CCS: variants seen among roughly 807,000 people sequenced by gnomAD.
The protein encoded by CCS is superoxide dismutase copper chaperone.
CCS carries 32 observed loss-of-function variants against 35.5 expected under a neutral mutation model. The observed-to-expected ratio is 0.90, with a 90% CI of 0.68 to 1.21. The LOEUF is 1.21. CCS is among the 50% of genes most tolerant of loss of function. The pLI, the probability that CCS is intolerant of heterozygous loss-of-function variation, is 0.00. For synonymous variants in CCS, 130 were observed against 147.2 expected, an observed-to-expected ratio of 0.88 and a Z score of 0.84; for missense variants, 342 against 375.4, an observed-to-expected ratio of 0.91 and a Z score of 0.73.
intron 2 of CCS, among the ~76,000 whole-genome samples, chr11:66,597,780 G>C (rs1425260994): frequency 6.7e-6 from 1 of 149,874 alleles, no homozygotes; most frequent in Non-Finnish European, 1.5e-5. Context: ...TAATTCATAG[G>C]CTGGGCAGCT....
chr11:66,596,773 G>A (rs993270712), intron 2 of CCS, among the ~76,000 whole-genome samples: 1 of 152,210 alleles, frequency 6.6e-6, no homozygotes, highest in Non-Finnish European at 1.5e-5. Context: ...ATTGTAGTCA[G>A]TGCAATGTGA....
At chr11:66,595,176 G>A (rs1487999527) in intron 2 of CCS, among the ~76,000 whole-genome samples, 1 of 152,102 alleles carries the variant, frequency 6.6e-6, no homozygotes, top group South Asian at 2.1e-4. Flanking sequence ...AAGAGTAACC[G>A]AGTTAATACA....
intron 6 of CCS, 29 bp from the exon 7 acceptor site, chr11:66,605,457 CCAT>C (rs1344528660): frequency 6.2e-7 from 1 of 1,613,616 alleles, no homozygotes; most frequent in East Asian, 2.2e-5. Context: ...CTAACAGGGT[CCAT>C]CATCTGAAGC....
chr11:66,596,508 T>C (rs964715787), intron 2 of CCS, among the ~76,000 whole-genome samples: 21 of 151,968 alleles, frequency 1.4e-4, no homozygotes, highest in African/African-American at 5.1e-4. Flanking sequence ...GCCTCCTGAG[T>C]AGCTGGGACT....
At chr11:66,593,617 C>T (rs1421639150) in intron 1 of CCS, 25 bp from the exon 2 acceptor site, 3 of 1,611,310 alleles carry the variant, frequency 1.9e-6, no homozygotes, top group African/African-American at 1.3e-5. Context: ...CAGCGATCAT[C>T]GGTTGGTCCC....
chr11:66,595,752 C>A (rs1180000912), intron 2 of CCS, among the ~76,000 whole-genome samples: 1 of 152,276 alleles, frequency 6.6e-6, no homozygotes, highest in East Asian at 1.9e-4. Flanking sequence ...CCAGTCTTAA[C>A]TCAAGGAGCA....
intron 1 of CCS, 66 bp from the exon 2 acceptor site, chr11:66,593,576 G>T: frequency 6.5e-7 from 1 of 1,530,254 alleles, no homozygotes. Context: ...TAGGGTAGGT[G>T]GTGAAACAAA....
intron 5 of CCS, among the ~76,000 whole-genome samples, chr11:66,604,281 C>T (rs1377853290): frequency 1.3e-5 from 2 of 152,112 alleles, no homozygotes; most frequent in African/African-American, 2.4e-5. Flanking sequence ...TCTGTATCCC[C>T]TCCCCCTTCT....
intron 2 of CCS, among the ~76,000 whole-genome samples, chr11:66,598,670 T>C (rs938584089): frequency 6.6e-6 from 1 of 152,030 alleles, no homozygotes; most frequent in Non-Finnish European, 1.5e-5. Context: ...GTCCATGTTG[T>C]AGCATGTATC....
chr11:66,594,737 T>A (rs1858444619), intron 2 of CCS, among the ~76,000 whole-genome samples: 1 of 146,146 alleles, frequency 6.8e-6, no homozygotes, highest in Non-Finnish European at 1.5e-5. Flanking sequence ...ATCGCTCCAC[T>A]GCACTCCAGG....
chr11:66,595,619 C>T (rs1232145445), intron 2 of CCS, among the ~76,000 whole-genome samples: 1 of 152,028 alleles, frequency 6.6e-6, no homozygotes, highest in East Asian at 1.9e-4. Context: ...GAGGATCCCC[C>T]AGCCCAAGGC....
chr11:66,596,175 T>C (rs1340500048), intron 2 of CCS, among the ~76,000 whole-genome samples: 1 of 151,514 alleles, frequency 6.6e-6, no homozygotes, highest in East Asian at 1.9e-4. Flanking sequence ...CATTTGATTC[T>C]CCCACCTCAG....
intron 5 of CCS, among the ~76,000 whole-genome samples, chr11:66,604,780 G>C (rs573877370): frequency 2.0e-5 from 3 of 152,150 alleles, no homozygotes; most frequent in Admixed American, 2.0e-4. Context: ...AGCCAGCTTC[G>C]AGGGGCTAGG....
rs2134976114 is a variant in CCS at position 66,593,219 on chromosome 11, C to T, written c.-43C>T. 1 of 1,551,078 alleles carries T rather than the reference C, an allele frequency of 6.4e-7. No homozygotes were observed. Among genetic ancestry groups the T allele is most frequent in the East Asian group, 2.4e-5 (1 of 41,378 alleles). On this transcript the variant is annotated 5_prime_UTR_variant, in exon 1 of 8. Coordinates refer to ENST00000533244, the MANE Select transcript of CCS (RefSeq NM_005125.2). ...GACGCCGCGCTGGTTGGTGCTCCTG[C>T]GCCGGAGGAGTTCTGCGTCTCGGGG...
chr11:66,594,215 C>T (rs956039089), intron 2 of CCS, among the ~76,000 whole-genome samples: 2 of 151,946 alleles, frequency 1.3e-5, no homozygotes, highest in African/African-American at 2.4e-5. Flanking sequence ...AAAAATTAGC[C>T]GGGCGTGGTG....
At chr11:66,605,663 C>T in intron 7 of CCS, 39 bp from the exon 8 acceptor site, 1 of 1,578,088 alleles carries the variant, frequency 6.3e-7, no homozygotes, top group Non-Finnish European at 8.6e-7. Flanking sequence ...GGGTGGGGGC[C>T]AAACAGGTAC....
intron 2 of CCS, among the ~76,000 whole-genome samples, chr11:66,598,026 G>C (rs1388424899): frequency 2.0e-5 from 3 of 151,864 alleles, no homozygotes; most frequent in Non-Finnish European, 4.4e-5. Flanking sequence ...TGAGGTTGCA[G>C]TGAGCCGAGA....
chr11:66,602,165 A>G (rs1858581719), intron 5 of CCS, among the ~76,000 whole-genome samples: 1 of 152,206 alleles, frequency 6.6e-6, no homozygotes, highest in Non-Finnish European at 1.5e-5. Context: ...CTGCAAATCA[A>G]ATGACTCCAA....
Position 66,593,247 on chromosome 11 carries a change from G to C in CCS, c.-15G>C. The C allele has an allele frequency of 6.4e-7, 1 of 1,560,688 alleles. No individual in the cohort carries two copies. Among genetic ancestry groups the C allele is most frequent in the South Asian group, 1.2e-5 (1 of 84,812 alleles). On this transcript the variant is annotated 5_prime_UTR_variant, in exon 1 of 8. Transcript: ENST00000533244. ...CGGAGGAGTTCTGCGTCTCGGGGTG[G>C]TGACTGGGTCCAGAATGGCTTCGGA...
Sources: gnomAD v4.1 joint callset for allele counts (sites outside exome capture counted in the v4.1 genomes callset) on GRCh38, gnomAD v4.1.1 for gene constraint, MANE v1.5 for transcripts, NCBI Gene and HGNC (gene_info 2026-07-23, HGNC 2026-07-21) for gene names.